Variants in CSMD1 observed in about 807,000 individuals in gnomAD.
The protein encoded by CSMD1 is CUB and Sushi multiple domains 1, also known as CUB and sushi domain-containing protein 1.
In CSMD1, 213 loss-of-function variants were observed where a neutral mutation model predicts 417.5. The ratio of observed to expected loss-of-function variants is 0.51; its 90% CI spans 0.46 to 0.57. CSMD1 has a LOEUF of 0.57. Among genes scored for constraint, CSMD1 ranks in the 20% least tolerant of loss-of-function variants. CSMD1 has a pLI of 0.00. For synonymous variants in CSMD1, 2,862 were observed against 1,736.8 expected, an observed-to-expected ratio of 1.65 and a Z score of -16.11; for missense variants, 6,923 against 4,529.7, an observed-to-expected ratio of 1.53 and a Z score of -15.17.
At chr8:4,178,293 T>C (rs1798169119) in intron 3 of CSMD1, among the ~76,000 whole-genome samples, 1 of 151,792 alleles carries the variant, frequency 6.6e-6, no homozygotes, top group East Asian at 1.9e-4. Flanking sequence ...AATCAATAAA[T>C]GTAATCCAGC....
chr8:3,046,875 A>G (rs1450048985), intron 50 of CSMD1, among the ~76,000 whole-genome samples: 1 of 152,178 alleles, frequency 6.6e-6, no homozygotes, highest in Non-Finnish European at 1.5e-5. Flanking sequence ...TAGGATTGCT[A>G]TTCTAATTGA....
At chr8:3,398,880 G>A (rs184864626) in intron 16 of CSMD1, among the ~76,000 whole-genome samples, 22 of 152,236 alleles carry the variant, frequency 1.4e-4, no homozygotes, top group African/African-American at 5.3e-4. Flanking sequence ...AAATAGCTAA[G>A]CCAAGCAACA....
intron 1 of CSMD1, among the ~76,000 whole-genome samples, chr8:4,979,555 CT>C (rs5889081): frequency 0.25 from 38,424 of 152,080 alleles, 6,176 homozygotes; most frequent in Non-Finnish European, 0.36. Context: ...CTAGTTTTCA[CT>C]TTTTTGAAAT....
At chr8:3,044,573 T>C (rs961336161) in intron 50 of CSMD1, among the ~76,000 whole-genome samples, 2 of 152,168 alleles carry the variant, frequency 1.3e-5, no homozygotes, top group Non-Finnish European at 2.9e-5. Context: ...TCTTTCATCA[T>C]GTCATTAGCA....
intron 1 of CSMD1, among the ~76,000 whole-genome samples, chr8:4,701,463 A>C (rs1360244592): frequency 6.6e-6 from 1 of 152,034 alleles, no homozygotes; most frequent in Non-Finnish European, 1.5e-5. Context: ...GGCCATGCAC[A>C]GTACTCCTCC....
At chr8:3,685,470 C>G (rs1044744082) in intron 7 of CSMD1, among the ~76,000 whole-genome samples, 2 of 152,062 alleles carry the variant, frequency 1.3e-5, no homozygotes, top group African/African-American at 4.8e-5. Context: ...GATGCTGCAG[C>G]CGAAGGAGAT....
At chr8:2,966,102 T>A in intron 58 of CSMD1, 148 bp from the exon 59 acceptor site, 1 of 680,698 alleles carries the variant, frequency 1.5e-6, no homozygotes, top group South Asian at 1.9e-5. Context: ...CTCTGTGTGA[T>A]GATTTCACTG....
intron 5 of CSMD1, among the ~76,000 whole-genome samples, chr8:3,926,471 G>A (rs976550430): frequency 2.0e-5 from 3 of 151,818 alleles, no homozygotes; most frequent in Non-Finnish European, 4.4e-5. Flanking sequence ...GTGAATACAT[G>A]TGTTGCATTT....
chr8:3,175,659 G>C (rs779467820), intron 37 of CSMD1, among the ~76,000 whole-genome samples: 11 of 146,424 alleles, frequency 7.5e-5, no homozygotes, highest in Admixed American at 1.4e-4. Flanking sequence ...CGTTCCCTCT[G>C]CATAGGCTTC....
At chr8:4,910,029 C>T (rs1031211512) in intron 1 of CSMD1, among the ~76,000 whole-genome samples, 1 of 152,148 alleles carries the variant, frequency 6.6e-6, no homozygotes, top group Non-Finnish European at 1.5e-5. Context: ...ATATGAATAA[C>T]CAATAGCATG....
chr8:3,290,848 A>T (rs1281507490), intron 25 of CSMD1, among the ~76,000 whole-genome samples: 1 of 151,604 alleles, frequency 6.6e-6, no homozygotes, highest in Non-Finnish European at 1.5e-5. Flanking sequence ...CCTGGCCGGA[A>T]CTTCCAACAC....
chr8:3,969,928 A>G (rs1182455439), intron 5 of CSMD1, among the ~76,000 whole-genome samples: 1 of 152,160 alleles, frequency 6.6e-6, no homozygotes, highest in African/African-American at 2.4e-5. Flanking sequence ...AAAATCCCTC[A>G]TTTTATTTAA....
At chr8:3,114,054 AAAACAAACAAAC>A (rs139727872) in intron 42 of CSMD1, among the ~76,000 whole-genome samples, 4 of 150,626 alleles carry the variant, frequency 2.7e-5, no homozygotes, top group African/African-American at 7.3e-5. Flanking sequence ...CCCATCTATT[AAAACAAACAAAC>A]AAACAAACAA....
intron 3 of CSMD1, among the ~76,000 whole-genome samples, chr8:4,199,736 A>G (rs2131249252): frequency 6.6e-6 from 1 of 152,250 alleles, no homozygotes; most frequent in Admixed American, 6.5e-5. Flanking sequence ...AGATGCTTTG[A>G]TCCTCTTAAA....
chr8:3,017,930 C>T (rs80246745), intron 52 of CSMD1, among the ~76,000 whole-genome samples: 3 of 148,852 alleles, frequency 2.0e-5, no homozygotes, highest in African/African-American at 7.4e-5. Context: ...TTTACTAATA[C>T]TTGTTCTTTA....
rs183059270 is a variant in CSMD1, at chr8:4,520,309, G to T, written c.303-100244C>A. On this transcript the variant is annotated intron_variant, in intron 2 of 69. Coordinates refer to ENST00000635120, the MANE Select transcript of CSMD1 (RefSeq NM_033225.6). ...CAAACTTCAGTTTCACATGACTAAT[G>T]TAGAACATTTGCTGTAGATAATAGT... Among the ~76,000 whole-genome samples the T allele has an allele frequency of 1.3e-3, 191 of 152,260 alleles. 2 individuals are homozygous for T. In the Middle Eastern group the frequency reaches 0.017, roughly 14 times the overall value.
intron 1 of CSMD1, among the ~76,000 whole-genome samples, chr8:4,900,643 C>T (rs761286417): frequency 3.9e-5 from 6 of 152,194 alleles, no homozygotes; most frequent in African/African-American, 1.2e-4. Flanking sequence ...CATCCAGCTC[C>T]TGTACTCGCC....
intron 4 of CSMD1, among the ~76,000 whole-genome samples, chr8:4,008,839 T>C (rs1207398687): frequency 1.3e-5 from 2 of 152,008 alleles, no homozygotes; most frequent in African/African-American, 4.8e-5. Flanking sequence ...CTCGATCTCC[T>C]GACCTCCTGA....
At chr8:4,925,389 A>G (rs1298454155) in intron 1 of CSMD1, among the ~76,000 whole-genome samples, 1 of 151,752 alleles carries the variant, frequency 6.6e-6, no homozygotes, top group Non-Finnish European at 1.5e-5. Context: ...AGTTAAATAC[A>G]TGGCATTTTG....
Sources: gnomAD v4.1 joint callset for allele counts (sites outside exome capture counted in the v4.1 genomes callset) on GRCh38, gnomAD v4.1.1 for gene constraint, MANE v1.5 for transcripts, NCBI Gene and HGNC (gene_info 2026-07-23, HGNC 2026-07-21) for gene names.